The following TNFRSF8 variants were observed in gnomAD, a reference collection of about 807,000 sequenced individuals.
TNFRSF8 encodes the protein TNF receptor superfamily member 8.
In TNFRSF8, 26 loss-of-function variants were observed where a neutral mutation model predicts 70.8. The ratio of observed to expected loss-of-function variants is 0.37; its 90% CI spans 0.27 to 0.51. The LOEUF is 0.51. Among genes scored for constraint, TNFRSF8 ranks in the 20% least tolerant of loss-of-function variants. TNFRSF8 has a pLI of 0.94. For missense variants in TNFRSF8, 720 were observed against 807.9 expected, an observed-to-expected ratio of 0.89 and a Z score of 1.32; for synonymous variants, 356 against 339.2, an observed-to-expected ratio of 1.05 and a Z score of -0.54.
chr1:12,105,574 C>CACAG (rs1553156025), intron 4 of TNFRSF8, among the ~76,000 whole-genome samples: 1 of 3,980 alleles, frequency 2.5e-4, no homozygotes, highest in Non-Finnish European at 0.026. Flanking sequence ...CTCTCTGTCT[C>CACAG]ACACACACAC....
At chr1:12,124,414 A>G (rs1641892404) in intron 10 of TNFRSF8, among the ~76,000 whole-genome samples, 1 of 152,170 alleles carries the variant, frequency 6.6e-6, no homozygotes, top group Admixed American at 6.5e-5. Context: ...GATTGATTTC[A>G]TGACTTTGAC....
rs746461701 is a variant in TNFRSF8, at chr1:12,097,151, C to G, written c.202C>G (p.Gln68Glu). ...ACAGAGGCCTACTGACTGCAGGAAG[C>G]AGTGTGAGCCTGACTACTACCTGGA... ...CPQRPTDCRKQCEPDYYLDEA... is the reference protein window; with the variant it reads ...CPQRPTDCRKECEPDYYLDEA... Residue 68 changes from glutamine (Q) to glutamate (E), a missense_variant, in exon 3 of 15, where the codon CAG becomes GAG. Coordinates refer to ENST00000263932, the MANE Select transcript of TNFRSF8 (RefSeq NM_001243.5). 5.6e-6 allele frequency: 9 copies of G among 1,614,096 alleles called. No homozygotes were observed. In the Admixed American group the frequency reaches 1.3e-4, roughly 24 times the overall value.
In TNFRSF8 at chr1:12,119,571, C is replaced by A. The variant is rs78309437; in HGVS notation, c.947-3713C>A. ...GTGAATATTCTTTTTTTTTTTTTAA[C>A]ATGTATGAATTTATCTTATATCTTT... On this transcript the variant is annotated intron_variant, in intron 8 of 14. Coordinates refer to ENST00000263932, the MANE Select transcript of TNFRSF8 (RefSeq NM_001243.5). The surrounding 1 kb of genome is among the most constrained non-coding windows in gnomAD (Gnocchi z 4.4). Among the ~76,000 whole-genome samples the A allele has an allele frequency of 7.7e-6, 1 of 129,234 alleles. No homozygotes were observed. The highest frequency in any genetic ancestry group is 1.6e-5 in the Non-Finnish European group (1 of 60,712). The allele number at this position is 129,234 out of a possible 152,430, so 84.8% of individuals were successfully genotyped here. A position where few individuals can be genotyped will look rare whatever the true frequency, so the allele number is the denominator to read the frequency against.
chr1:12,136,817 TTGTC>T (rs1169832514), intron 13 of TNFRSF8, among the ~76,000 whole-genome samples: 7 of 151,766 alleles, frequency 4.6e-5, no homozygotes, highest in Non-Finnish European at 7.4e-5. Flanking sequence ...AGAATAATCT[TTGTC>T]TGGAGTGACA....
chr1:12,085,307 G>A (rs1201112), intron 2 of TNFRSF8, among the ~76,000 whole-genome samples: 97,688 of 151,860 alleles, frequency 0.64, 33,108 homozygotes, highest in African/African-American at 0.85. Context: ...ACAGGGTTTC[G>A]CCATATTGGC....
intron 8 of TNFRSF8, among the ~76,000 whole-genome samples, chr1:12,116,953 T>C (rs1641742522): frequency 6.6e-6 from 1 of 151,480 alleles, no homozygotes; most frequent in African/African-American, 2.4e-5. Flanking sequence ...AGTTGAGAGG[T>C]GTGAGGTGTA....
Position 12,111,944 on chromosome 1 carries a change from A to C in TNFRSF8, c.723A>C (p.Arg241Ser), listed in dbSNP as rs1557593851. The change falls in exon 7 of 15, where the codon AGA becomes AGC. Residue 241 changes from arginine (R) to serine (S), a missense_variant. Arg to Ser is a moderately radical substitution (Grantham distance 110). Transcript: ENST00000263932. ...QPCPEGSGDC[R>S]KQCEPDYYLD... The stretch of plus-strand genomic sequence containing the variant: ...GCCCAGAGGGGTCTGGTGATTGCAG[A>C]AAGCAGTGTGAGCCCGACTACTACC... 2 of 1,614,216 alleles carry C rather than the reference A, an allele frequency of 1.2e-6. No homozygotes were observed. The highest frequency in any genetic ancestry group is 2.2e-5 in the East Asian group (1 of 44,882).
rs17037595 is a variant in TNFRSF8 at position 12,089,684 on chromosome 1, G to A, written c.151+5133G>A. Among the ~76,000 whole-genome samples the A allele has an allele frequency of 9.7e-3, 1,482 of 152,270 alleles. 27 individuals carry two copies. Among genetic ancestry groups the A allele is most frequent in the African/African-American group, 0.033 (1,388 of 41,526 alleles). On this transcript the variant is annotated intron_variant, in intron 2 of 14. Transcript: ENST00000263932. ...TCCTGGGAGCAACCCACTAGTAGGGGAGGTGACATGCTTATATATATCTGA... is the reference window on the plus strand; with the variant it reads ...TCCTGGGAGCAACCCACTAGTAGGGAAGGTGACATGCTTATATATATCTGA...
intron 4 of TNFRSF8, among the ~76,000 whole-genome samples, chr1:12,107,254 G>T (rs1641541605): frequency 6.6e-6 from 1 of 152,170 alleles, no homozygotes; most frequent in African/African-American, 2.4e-5. Context: ...AGTTGGCCAG[G>T]TGTGGTGGCG....
intron 3 of TNFRSF8, among the ~76,000 whole-genome samples, chr1:12,102,778 G>A (rs4846090): frequency 0.22 from 33,353 of 151,814 alleles, 4,052 homozygotes; most frequent in South Asian, 0.36. Flanking sequence ...TGCCCACCTC[G>A]GCCTCCCAAA....
chr1:12,109,697 G>A lies in TNFRSF8; in HGVS notation c.512+41G>A. On this transcript the variant is annotated intron_variant, in intron 5 of 14. Transcript: ENST00000263932. This position sits in a 1 kb window ranked among gnomAD's most constrained non-coding sequence, Gnocchi z 4.4. ...TGCCTCCTCCTCTTCCCCCAAGCTG[G>A]CTTTCAGATGAGGCTGCCCCACCCC... The A allele has an allele frequency of 3.2e-6, 5 of 1,559,080 alleles. No individual in the cohort carries two copies. Among genetic ancestry groups the A allele is most frequent in the Non-Finnish European group, 4.4e-6 (5 of 1,132,266 alleles).
Position 12,142,034 on chromosome 1 carries a change from A to G in TNFRSF8, c.1544-253A>G, listed in dbSNP as rs777820208. On this transcript the variant is annotated intron_variant, in intron 14 of 14. Coordinates refer to ENST00000263932, the MANE Select transcript of TNFRSF8 (RefSeq NM_001243.5). The surrounding 1 kb of genome is among the most constrained non-coding windows in gnomAD (Gnocchi z 5.0). ...CACCCTGTCCTCTTCTTCCCTACCC[A>G]TCCGCAGAGATGTGCTGAGAAAATC... Among the ~76,000 whole-genome samples, 49 of 152,078 alleles carry G rather than the reference A, an allele frequency of 3.2e-4. No individual in the cohort carries two copies. The highest frequency in any genetic ancestry group is 5.9e-4 in the Non-Finnish European group (40 of 68,010).
intron 2 of TNFRSF8, among the ~76,000 whole-genome samples, chr1:12,093,788 G>T (rs1021406113): frequency 4.6e-5 from 7 of 152,130 alleles, no homozygotes; most frequent in African/African-American, 1.7e-4. Context: ...TGATCCGCCT[G>T]GGCTGGGTGC....
At chr1:12,067,084 G>A (rs1640755189) in intron 1 of TNFRSF8, among the ~76,000 whole-genome samples, 1 of 152,162 alleles carries the variant, frequency 6.6e-6, no homozygotes, top group African/African-American at 2.4e-5. Context: ...TCGTATCACT[G>A]TCTTGTCCAA....
Position 12,126,040 on chromosome 1 carries a change from C to G in TNFRSF8, c.1243C>G (p.Arg415Gly). 6.2e-7 allele frequency: 1 copy of G among 1,614,064 alleles called. No homozygotes were observed. The highest frequency in any genetic ancestry group is 8.5e-7 in the Non-Finnish European group (1 of 1,179,950). The change falls in exon 11 of 15, where the codon CGA becomes GGA. Residue 415 changes from arginine to glycine, a missense_variant. Coordinates refer to ENST00000263932, the MANE Select transcript of TNFRSF8 (RefSeq NM_001243.5). The stretch of plus-strand genomic sequence containing the variant: ...GTGCCACCGGAGGGCCTGCAGGAAG[C>G]GAATTCGGCAGAGTAAGTGGCTGTG... ...LLCHRRACRKRIRQKLHLCYP... is the reference protein window; with the variant it reads ...LLCHRRACRKGIRQKLHLCYP...
chr1:12,067,140 G>T (rs1039116523), intron 1 of TNFRSF8, among the ~76,000 whole-genome samples: 8 of 152,140 alleles, frequency 5.3e-5, no homozygotes, highest in Non-Finnish European at 8.8e-5. Flanking sequence ...GTGCATATCT[G>T]CAGAGAAAAA....
chr1:12,101,426 C>A (rs1374031241), intron 3 of TNFRSF8, among the ~76,000 whole-genome samples: 75 of 142,212 alleles, frequency 5.3e-4, no homozygotes, highest in African/African-American at 1.4e-3. Flanking sequence ...GACCCTGTTT[C>A]AAAAAAAAAA....
chr1:12,063,380 C>T lies in TNFRSF8; in HGVS notation c.-219C>T, dbSNP rs923719363. On this transcript the variant is annotated 5_prime_UTR_variant, in exon 1 of 15. It adds an upstream start codon to the 5' untranslated region. Coordinates refer to ENST00000263932, the MANE Select transcript of TNFRSF8 (RefSeq NM_001243.5). The surrounding 1 kb of genome is among the most constrained non-coding windows in gnomAD (Gnocchi z 7.2). ...AAGTGTTCCTGGAACCAATTTGATA[C>T]GGGAGAACTAAGGCTGAAACCTCGG... 2.5e-6 allele frequency: 1 copy of T among 394,834 alleles called. No homozygotes were observed. 24.5% of individuals were successfully genotyped at this position (394,834 alleles called of 1,614,324 possible).
chr1:12,075,840 A>G (rs1437737924), intron 1 of TNFRSF8, among the ~76,000 whole-genome samples: 1 of 152,166 alleles, frequency 6.6e-6, no homozygotes, highest in Non-Finnish European at 1.5e-5. Flanking sequence ...CGTCAGCATG[A>G]CCATAAACCA....
Sources: gnomAD v4.1 joint callset for allele counts (sites outside exome capture counted in the v4.1 genomes callset) on GRCh38, gnomAD v4.1.1 for gene constraint, Gnocchi (gnomAD v3.1) non-coding constraint, MANE v1.5 for transcripts, NCBI Gene and HGNC (gene_info 2026-07-23, HGNC 2026-07-21) for gene names.